The following LACC1 variants were observed in gnomAD, a reference collection of about 807,000 sequenced individuals.
LACC1 encodes the protein purine nucleoside phosphorylase LACC1.
LACC1 carries 25 observed loss-of-function variants against 34.8 expected under a neutral mutation model. The ratio of observed to expected loss-of-function variants is 0.72; its 90% CI spans 0.52 to 1.00. The LOEUF (loss-of-function observed/expected upper bound fraction) is 1.00, where lower values mean the gene tolerates loss of function less well. Ranked by LOEUF, LACC1 falls within the 50% of genes least tolerant of loss-of-function variation. The pLI is 0.00. For missense variants in LACC1, 426 were observed against 511.2 expected, an observed-to-expected ratio of 0.83 and a Z score of 1.61; for synonymous variants, 162 against 168.0, an observed-to-expected ratio of 0.96 and a Z score of 0.28.
intron 3 of LACC1, among the ~76,000 whole-genome samples, chr13:43,882,962 C>T (rs1019879166): frequency 7.9e-5 from 12 of 151,746 alleles, no homozygotes; most frequent in Non-Finnish European, 4.4e-5. Context: ...GGTGCCCTTA[C>T]ACACACACAC....
chr13:43,889,338 C>T (rs1223001967), intron 5 of LACC1, among the ~76,000 whole-genome samples: 2 of 152,040 alleles, frequency 1.3e-5, no homozygotes, highest in Non-Finnish European at 2.9e-5. Flanking sequence ...TATCAGGAAG[C>T]TGATATTTTA....
chr13:43,889,878 A>G (rs1296167150), intron 5 of LACC1: 4 of 409,734 alleles, frequency 9.8e-6, no homozygotes, highest in African/African-American at 4.1e-5. Context: ...GATTATGTCT[A>G]TAAGACAATA....
intron 4 of LACC1, among the ~76,000 whole-genome samples, chr13:43,885,956 C>G (rs995053683): frequency 6.6e-6 from 1 of 151,530 alleles, no homozygotes; most frequent in African/African-American, 2.4e-5. Context: ...CATGAACAAA[C>G]GCTTCTCAAA....
In LACC1 at chr13:43,882,377, T is replaced by A. The variant is rs772840293; in HGVS notation, c.741+14T>A. 1 of 1,595,956 alleles carries A rather than the reference T, an allele frequency of 6.3e-7. No homozygotes were observed. The highest frequency in any genetic ancestry group is 8.5e-7 in the Non-Finnish European group (1 of 1,171,280). ...TACCGAATAAAGGTAAAATTTTGCT[T>A]TATATTTTGAAAGATCTAAAGTATA... On this transcript the variant is annotated intron_variant, in intron 3 of 6. Transcript: ENST00000325686.
chr13:43,884,813 A>G (rs1437345206), intron 4 of LACC1, among the ~76,000 whole-genome samples: 1 of 152,188 alleles, frequency 6.6e-6, no homozygotes, highest in Non-Finnish European at 1.5e-5. Context: ...AATGGGATTG[A>G]ATGAGTAGAA....
In LACC1 at chr13:43,882,344, A is replaced by AGAAATTTTACCGAATAAAGGT; in HGVS notation, c.723_741+2dup. 6.2e-7 allele frequency: 1 copy of AGAAATTTTACCGAATAAAGGT among 1,607,600 alleles called. No individual in the cohort carries two copies. The highest frequency in any genetic ancestry group is 1.3e-5 in the African/African-American group (1 of 74,712). ...GCGAATGCTGCAGGATTTAATGTGG[A>AGAAATTTTACCGAATAAAGGT]GAAATTTTACCGAATAAAGGTAAAA... On this transcript the variant is annotated inframe_insertion, in exon 3 of 7. Transcript: ENST00000325686.
chr13:43,891,154 G>A (rs1182556086), intron 6 of LACC1, among the ~76,000 whole-genome samples: 1 of 152,128 alleles, frequency 6.6e-6, no homozygotes, highest in Non-Finnish European at 1.5e-5. Flanking sequence ...ACTGACACAT[G>A]ATCTAAAGTC....
At chr13:43,880,840 T>A in intron 1 of LACC1, 112 bp from the exon 2 acceptor site, 1 of 690,202 alleles carries the variant, frequency 1.4e-6, no homozygotes. Context: ...TTTACTATTT[T>A]AGTTACATTT....
chr13:43,890,066 AT>A (rs764584157), intron 5 of LACC1, 47 bp from the exon 6 acceptor site: 11 of 1,506,468 alleles, frequency 7.3e-6, no homozygotes, highest in Non-Finnish European at 9.9e-6. Context: ...TGCTTTGGCT[AT>A]TGGGAAAATA....
Position 43,893,860 on chromosome 13 carries a change from T to C in LACC1, c.*2413T>C, listed in dbSNP as rs2138393888. On this transcript the variant is annotated 3_prime_UTR_variant, in exon 7 of 7. Transcript: ENST00000325686. ...TTGTTTGAAGTTGGTAAATTTGGAG[T>C]ATCCTGCAGACACATTTTGCTTTAT... is the stretch of plus-strand genomic sequence containing the variant. 1 of 152,250 alleles carries C rather than the reference T, an allele frequency of 6.6e-6. No homozygotes were observed. Among genetic ancestry groups the C allele is most frequent in the East Asian group, 1.9e-4 (1 of 5,332 alleles). The allele number at this position is 152,250 out of a possible 1,614,324, so 9.4% of individuals were successfully genotyped here.
rs1955653287 is a variant in LACC1 at position 43,893,785 on chromosome 13, C to T, written c.*2338C>T. ...AATGATGAAGATTAAGGAATACTTC[C>T]ATGTATTGAGTAAGGTTGATAATTT... On this transcript the variant is annotated 3_prime_UTR_variant, in exon 7 of 7. Coordinates refer to ENST00000325686, the MANE Select transcript of LACC1 (RefSeq NM_153218.4). 6.6e-6 allele frequency: 1 copy of T among 151,994 alleles called. No individual in the cohort carries two copies. The allele number at this position is 151,994 out of a possible 1,614,324, so 9.4% of individuals were successfully genotyped here.
chr13:43,891,269 A>G (rs9533682), intron 6 of LACC1, among the ~76,000 whole-genome samples, 180 bp from the exon 7 acceptor site: 20,861 of 152,220 alleles, frequency 0.14, 1,673 homozygotes, highest in African/African-American at 0.22. Context: ...CACTGCCCCT[A>G]TAAGATATGT....
At chr13:43,879,269 C>T (rs1954787554), upstream of LACC1, 1 of 153,026 alleles carries the variant, frequency 6.5e-6, no homozygotes, top group Non-Finnish European at 1.5e-5. Context: ...TAGTTCCCCG[C>T]CCCGTGCCCT....
chr13:43,879,745 TGAGGCG>T (rs1316197282), upstream of LACC1: 1 of 131,300 alleles, frequency 7.6e-6, no homozygotes, highest in Non-Finnish European at 1.6e-5. Context: ...GTAGGTGAGG[TGAGGCG>T]GGGCGAGGTG....
rs778270548 is a variant in LACC1 at position 43,881,590 on chromosome 13, A to C, written c.562+43A>C. The C allele has an allele frequency of 2.1e-6, 3 of 1,412,026 alleles. No homozygotes were observed. The South Asian group carries it at 4.0e-5, about 19-fold the overall frequency. 87.5% of individuals were successfully genotyped at this position (1,412,026 alleles called of 1,614,324 possible). A position where few individuals can be genotyped will look rare whatever the true frequency, so the allele number is the denominator to read the frequency against. ...TGTTGTTTTTACTTTGTACATGGAA[A>C]ACTAGTCTTTCTTCAGAGGTAGTTC... On this transcript the variant is annotated intron_variant, in intron 2 of 6. Coordinates refer to ENST00000325686, the MANE Select transcript of LACC1 (RefSeq NM_153218.4).
chr13:43,882,420 A>G lies in LACC1; in HGVS notation c.741+57A>G, dbSNP rs945860079. ...AAAGTATATTTTTTACTTTGCTAGT[A>G]ACTACATGGACTTTAAGCTATTTAA... On this transcript the variant is annotated intron_variant, in intron 3 of 6. Coordinates refer to ENST00000325686, the MANE Select transcript of LACC1 (RefSeq NM_153218.4). 4.6e-6 allele frequency: 6 copies of G among 1,311,382 alleles called. No homozygotes were observed. In the African/African-American group the frequency reaches 9.0e-5, roughly 20 times the overall value. 81.2% of individuals were successfully genotyped at this position (1,311,382 alleles called of 1,614,324 possible).
At chr13:43,884,013 A>G in intron 4 of LACC1, 77 bp downstream of exon 4, 2 of 1,216,084 alleles carry the variant, frequency 1.6e-6, no homozygotes, top group Non-Finnish European at 2.4e-6. Flanking sequence ...TTTCTGATGG[A>G]CATGGCAAAC....
chr13:43,887,979 C>CA (rs1203531673), intron 4 of LACC1, among the ~76,000 whole-genome samples: 2 of 152,074 alleles, frequency 1.3e-5, no homozygotes, highest in Non-Finnish European at 2.9e-5. Flanking sequence ...ATCAGGAACT[C>CA]AAAGAGATAT....
In LACC1 at chr13:43,888,803, T is replaced by C. The variant is rs1333521288; in HGVS notation, c.954T>C (p.Ala318=). 1.6e-5 allele frequency: 26 copies of C among 1,613,810 alleles called. No homozygotes were observed. Among genetic ancestry groups the C allele is most frequent in the African/African-American group, 6.7e-5 (5 of 74,924 alleles). ...LLGVAMATVN[A]MIAEYGCSLE... is the part of the protein sequence containing the mutation. ...GTGTTGCTATGGCTACAGTGAATGC[T>C]ATGATAGCAGAATATGGCTGCAGTT... The change falls in exon 5 of 7, where the codon GCT becomes GCC. Residue 318 remains alanine, a synonymous_variant. Transcript: ENST00000325686.
Sources: allele counts gnomAD v4.1 joint callset (sites outside exome capture counted in the v4.1 genomes callset), GRCh38; gene constraint gnomAD v4.1.1; transcripts MANE v1.5; gene names NCBI Gene and HGNC (gene_info 2026-07-23, HGNC 2026-07-21).